RBSN: variants seen among roughly 807,000 people sequenced by gnomAD.
RBSN encodes the protein rabenosyn-5.
RBSN carries 34 observed loss-of-function variants against 60.5 expected under a neutral mutation model. The observed-to-expected ratio is 0.56, with a 90% confidence interval of 0.43 to 0.75. The LOEUF is 0.75. Ranked by LOEUF, RBSN falls within the 30% of genes least tolerant of loss-of-function variation. The pLI is 0.00. For missense variants in RBSN, 845 were observed against 986.8 expected, an observed-to-expected ratio of 0.86 and a Z score of 1.92; for synonymous variants, 322 against 366.9, an observed-to-expected ratio of 0.88 and a Z score of 1.40.
In RBSN at chr3:15,073,803, C is replaced by A; in HGVS notation, c.2334G>T (p.Lys778Asn). ...CTGGTCAGTCAGTGCCCCCCTTCTGCTTGGCCAGGGTGTGCTTCAGCTCCC... is the reference window on the plus strand; with the variant it reads ...CTGGTCAGTCAGTGCCCCCCTTCTGATTGGCCAGGGTGTGCTTCAGCTCCC... ...NLRELKHTLA[K>N]QKGGTD The change falls in exon 14 of 14, where the codon AAG (lysine) becomes AAT (asparagine). Residue 778 changes from lysine to asparagine, a missense_variant. Physicochemically the swap from Lys to Asn is moderately conservative, Grantham distance 94. Transcript: ENST00000253699. 1 of 1,606,030 alleles carries A rather than the reference C, an allele frequency of 6.2e-7. No homozygotes were observed. The highest frequency in any genetic ancestry group is 1.1e-5 in the South Asian group (1 of 89,772).
chr3:15,073,766 C>G lies in RBSN; in HGVS notation c.*16G>C. ...TGCCAGACCCCTGGGCCCAAAGGTG[C>G]CCTCTCCACTGCTGGTCAGTCAGTG... On this transcript the variant is annotated 3_prime_UTR_variant, in exon 14 of 14. Transcript: ENST00000253699. 1 of 1,582,860 alleles carries G rather than the reference C, an allele frequency of 6.3e-7. No individual in the cohort carries two copies. The highest frequency in any genetic ancestry group is 8.6e-7 in the Non-Finnish European group (1 of 1,165,712).
At chr3:15,098,779 C>A (rs1318842360) in intron 1 of RBSN, among the ~76,000 whole-genome samples, 1 of 152,228 alleles carries the variant, frequency 6.6e-6, no homozygotes, top group African/African-American at 2.4e-5. Context: ...GAATCAAACA[C>A]AACCGCTCGG....
Position 15,072,049 on chromosome 3 carries a change from G to A in RBSN, c.*1733C>T, listed in dbSNP as rs988483122. On this transcript the variant is annotated 3_prime_UTR_variant, in exon 14 of 14. Transcript: ENST00000253699. ...TGTGGTGCTACCAGCACGATCCTGG[G>A]TTGTGCTTCTTCAAACATTTCAGTT... 1 of 152,666 alleles carries A rather than the reference G, an allele frequency of 6.6e-6. No individual in the cohort carries two copies. Among genetic ancestry groups the A allele is most frequent in the African/African-American group, 2.4e-5 (1 of 41,452 alleles). 9.5% of individuals were successfully genotyped at this position (152,666 alleles called of 1,614,324 possible).
At chr3:15,085,730 TC>T in intron 6 of RBSN, 130 bp downstream of exon 6, 2 of 763,154 alleles carry the variant, frequency 2.6e-6, no homozygotes, top group Non-Finnish European at 4.5e-6. Flanking sequence ...TTTGCACCTC[TC>T]TAGAGAAGGT....
At chr3:15,086,522 T>C (rs2043348162) in intron 5 of RBSN, among the ~76,000 whole-genome samples, 1 of 152,196 alleles carries the variant, frequency 6.6e-6, no homozygotes, top group Admixed American at 6.5e-5. Context: ...TCTGTAACTC[T>C]AAGAGTACTC....
chr3:15,081,751 C>T (rs1335663778), intron 9 of RBSN, among the ~76,000 whole-genome samples: 2 of 152,236 alleles, frequency 1.3e-5, no homozygotes, highest in African/African-American at 2.4e-5. Flanking sequence ...ACCCAGTCCA[C>T]CTGGCTAGTC....
intron 10 of RBSN, among the ~76,000 whole-genome samples, chr3:15,078,957 T>C (rs2043136949): frequency 6.6e-6 from 1 of 151,498 alleles, no homozygotes; most frequent in Non-Finnish European, 1.5e-5. Flanking sequence ...AACTCTGAAA[T>C]TAATAACACT....
rs148836536 is a variant in RBSN at position 15,095,038 on chromosome 3, G to T, written c.148+935C>A. ...CGTGTGTGTGTTTGTGTGTGTGTGTGTCTCTCTCTCTGTTGCCCAGGTGCG... is the reference window on the plus strand; with the variant it reads ...CGTGTGTGTGTTTGTGTGTGTGTGTTTCTCTCTCTCTGTTGCCCAGGTGCG... On this transcript the variant is annotated intron_variant, in intron 4 of 13. Transcript: ENST00000253699. 4.4e-3 allele frequency among the ~76,000 whole-genome samples: 663 copies of T among 151,004 alleles called. 1 individual carries two copies. The highest frequency in any genetic ancestry group is 0.015 in the African/African-American group (633 of 41,032).
In RBSN at chr3:15,078,118, G is replaced by A. The variant is rs1309860783; in HGVS notation, c.955C>T (p.Arg319Ter). The A allele has an allele frequency of 6.2e-7, 1 of 1,613,978 alleles. No individual in the cohort carries two copies. The highest frequency in any genetic ancestry group is 8.5e-7 in the Non-Finnish European group (1 of 1,180,000). ...TYSLEHASDL[R>*]VEVQKVYELI... is the part of the protein sequence containing the mutation. ...TCATACACTTTCTGCACTTCCACTC[G>A]AAGGTCACTGGCATGTTCCAGACTG... The change falls in exon 11 of 14, where the codon CGA (arginine) becomes TGA (stop). Residue 319 changes from arginine (R) to a stop codon, truncating the protein, a stop_gained. Transcript: ENST00000253699. LOFTEE classifies it high-confidence loss of function.
At position 15,090,434 on chromosome 3, in the gene RBSN, C is replaced by A. The variant is rs1226365938; in HGVS notation, c.254G>T (p.Gly85Val). 6.2e-7 allele frequency: 1 copy of A among 1,614,062 alleles called. No individual in the cohort carries two copies. Among genetic ancestry groups the A allele is most frequent in the South Asian group, 1.1e-5 (1 of 91,048 alleles). ...TQGYESFSYG[G>V]VDPYMWEPQE... is the part of the protein sequence containing the mutation. ...GGGTTCCCACATGTAAGGATCAACC[C>A]CTCCATAGCTGAAAGACTCATATCC... The change falls in exon 5 of 14, where the codon GGG becomes GTG. Residue 85 changes from glycine (G) to valine (V), a missense_variant. Physicochemically the swap from Gly to Val is moderately radical, Grantham distance 109. Coordinates refer to ENST00000253699, the MANE Select transcript of RBSN (RefSeq NM_022340.4).
chr3:15,096,935 C>A (rs531949812), intron 2 of RBSN, among the ~76,000 whole-genome samples: 1 of 152,282 alleles, frequency 6.6e-6, no homozygotes, highest in Admixed American at 6.5e-5. Flanking sequence ...TAATTGCTCA[C>A]AACAGCCTCG....
At chr3:15,083,780 T>C (rs533808344) in intron 8 of RBSN, among the ~76,000 whole-genome samples, 4 of 152,258 alleles carry the variant, frequency 2.6e-5, no homozygotes, top group African/African-American at 9.6e-5. Flanking sequence ...GAGTTGTCTG[T>C]GACTTATCCC....
chr3:15,091,186 G>A (rs1419299475), intron 4 of RBSN, among the ~76,000 whole-genome samples: 1 of 94,046 alleles, frequency 1.1e-5, no homozygotes, highest in East Asian at 3.4e-4. Context: ...CTCCAGCCTG[G>A]ACAACCAGAA....
chr3:15,094,544 T>C (rs1264529795), intron 4 of RBSN, among the ~76,000 whole-genome samples: 1 of 152,214 alleles, frequency 6.6e-6, no homozygotes, highest in East Asian at 1.9e-4. Context: ...GCAGAGTTGT[T>C]AGGAGAGTCA....
In RBSN at chr3:15,084,069, T is replaced by C. The variant is rs1481356614; in HGVS notation, c.598+666A>G. The stretch of plus-strand genomic sequence containing the variant: ...GAGCCAAGTCCAGCCTCCAGGCTGT[T>C]TCTATATGGCTCTCAAACTAAGTAT... On this transcript the variant is annotated intron_variant, in intron 8 of 13. Coordinates refer to ENST00000253699, the MANE Select transcript of RBSN (RefSeq NM_022340.4). The surrounding 1 kb of genome is among the most constrained non-coding windows in gnomAD (Gnocchi z 4.2). Among the ~76,000 whole-genome samples the C allele has an allele frequency of 3.3e-5, 5 of 152,240 alleles. No individual in the cohort carries two copies. Among genetic ancestry groups the C allele is most frequent in the African/African-American group, 9.6e-5 (4 of 41,462 alleles).
chr3:15,083,625 C>T (rs918234743), intron 8 of RBSN, among the ~76,000 whole-genome samples: 1 of 152,148 alleles, frequency 6.6e-6, no homozygotes, highest in Admixed American at 6.5e-5. Flanking sequence ...TCCTCTTTCT[C>T]CATCTCTTTT....
At chr3:15,088,898 T>C (rs1445268022) in intron 5 of RBSN, among the ~76,000 whole-genome samples, 2 of 152,176 alleles carry the variant, frequency 1.3e-5, no homozygotes, top group Non-Finnish European at 2.9e-5. Context: ...TGTAGGACTT[T>C]CCTTATTCAA....
At position 15,073,915 on chromosome 3, in the gene RBSN, T is replaced by C. The variant is rs758894385; in HGVS notation, c.2222A>G (p.Gln741Arg). The part of the protein sequence containing the change: ...EEPIEEELLL[Q>R]QIDNIKAYIF... ...GTATGCCTTGATGTTATCGATCTGC[T>C]GCAGGAGGAGCTCTTCCTCTATGGG... The change falls in exon 14 of 14, where the codon CAG becomes CGG. Residue 741 changes from glutamine (Q) to arginine (R), a missense_variant. By Grantham distance (43) the Gln-to-Arg change is conservative (BLOSUM62 1). Transcript: ENST00000253699. The C allele has an allele frequency of 1.9e-6, 3 of 1,614,126 alleles. No homozygotes were observed. The South Asian group carries it at 3.3e-5, about 18-fold the overall frequency.
Position 15,092,417 on chromosome 3 carries a change from T to G in RBSN, c.149-1878A>C, listed in dbSNP as rs146104057. Among the ~76,000 whole-genome samples the G allele has an allele frequency of 6.5e-3, 977 of 151,452 alleles. 8 individuals are homozygous for G. The highest frequency in any genetic ancestry group is 0.018 in the African/African-American group (748 of 40,770). On this transcript the variant is annotated intron_variant, in intron 4 of 13. Transcript: ENST00000253699. The stretch of plus-strand genomic sequence containing the variant: ...GTTTTTTTTGTTTGTTTGTTTGTTT[T>G]TTTTTGAGACAGAGTTTCACTCTTG...
Sources: allele counts gnomAD v4.1 joint callset (sites outside exome capture counted in the v4.1 genomes callset), GRCh38; gene constraint gnomAD v4.1.1; non-coding constraint Gnocchi (gnomAD v3.1); transcripts MANE v1.5; gene names NCBI Gene and HGNC (gene_info 2026-07-23, HGNC 2026-07-21).